SLC4A4: variants seen among roughly 807,000 people sequenced by gnomAD.
SLC4A4 encodes electrogenic sodium bicarbonate cotransporter 1.
A neutral mutation model predicts 111.5 loss-of-function variants in SLC4A4; 27 were observed. The observed-to-expected ratio is 0.24, with a 90% CI of 0.18 to 0.33. The LOEUF is 0.33. Among genes scored for constraint, SLC4A4 ranks in the 10% least tolerant of loss-of-function variants. The pLI is 1.00. For synonymous variants in SLC4A4, 443 were observed against 463.4 expected (o/e 0.96, Z 0.57); for missense variants, 909 against 1,315.5 (o/e 0.69, Z 4.78).
chr4:71,103,673 C>T (rs1386061985), intron 2 of SLC4A4, among the ~76,000 whole-genome samples: 20 of 152,016 alleles, frequency 1.3e-4, no homozygotes, highest in South Asian at 2.1e-4. Context: ...GAATGACTAC[C>T]GGATACATAA....
intron 15 of SLC4A4, among the ~76,000 whole-genome samples, chr4:71,494,482 T>TA (rs61225400): frequency 0.12 from 18,307 of 147,292 alleles, 1,705 homozygotes; most frequent in African/African-American, 0.26. Context: ...CCTGGCTAAT[T>TA]AAAAAAAAAA....
At chr4:71,391,511 A>G (rs1490072355) in intron 6 of SLC4A4, among the ~76,000 whole-genome samples, 1 of 152,128 alleles carries the variant, frequency 6.6e-6, no homozygotes, top group African/African-American at 2.4e-5. Context: ...AAGAATAACA[A>G]TGATTTTCAA....
chr4:71,255,736 C>T (rs767724462), intron 3 of SLC4A4, among the ~76,000 whole-genome samples: 4 of 152,088 alleles, frequency 2.6e-5, no homozygotes, highest in Non-Finnish European at 5.9e-5. Flanking sequence ...GAATTTTTTG[C>T]ATGGTTTATG....
intron 16 of SLC4A4, among the ~76,000 whole-genome samples, chr4:71,498,369 G>A (rs1730605561): frequency 1.3e-5 from 2 of 152,114 alleles, no homozygotes; most frequent in Non-Finnish European, 2.9e-5. Flanking sequence ...TTTGCCTGCA[G>A]AATCAAACTA....
At chr4:71,179,589 C>G (rs1217333878) in intron 2 of SLC4A4, among the ~76,000 whole-genome samples, 2 of 151,994 alleles carry the variant, frequency 1.3e-5, no homozygotes, top group Non-Finnish European at 2.9e-5. Context: ...CATGAGTGAA[C>G]TCCCATTCAC....
In SLC4A4 at chr4:71,339,429, C is replaced by G. The variant is rs768913941; in HGVS notation, c.313C>G (p.Pro105Ala). 197 of 1,613,976 alleles carry G rather than the reference C, an allele frequency of 1.2e-4. 1 individual carries two copies. The highest frequency in any genetic ancestry group is 1.5e-4 in the Non-Finnish European group (173 of 1,180,024). The change falls in exon 4 of 26, where the codon CCC (proline) becomes GCC (alanine). Residue 105 changes from proline (P) to alanine (A), a missense_variant. By Grantham distance (27) the Pro-to-Ala change is conservative. Coordinates refer to ENST00000264485, the MANE Select transcript of SLC4A4 (RefSeq NM_001098484.3). ...ILGEEDDSPA[P>A]PQLFTELDEL... ...GGGAGAGGAGGATGACAGCCCAGCT[C>G]CCCCTCAGCTCTTCACGGAACTGGA... is the stretch of plus-strand genomic sequence containing the variant.
chr4:71,079,934 T>C (rs183483158), intron 1 of SLC4A4, among the ~76,000 whole-genome samples: 9 of 151,550 alleles, frequency 5.9e-5, no homozygotes, highest in Admixed American at 5.9e-4. Flanking sequence ...TAAGGACTCT[T>C]GGGGCTGTGT....
intron 20 of SLC4A4, among the ~76,000 whole-genome samples, chr4:71,551,875 A>C (rs75473764): frequency 0.038 from 5,836 of 151,980 alleles, 409 homozygotes; most frequent in African/African-American, 0.13. Flanking sequence ...TAGATTTTCA[A>C]GATTTAAGGG....
rs115885667 is a variant in SLC4A4, at chr4:71,488,259, C to T, written c.1974+1241C>T. On this transcript the variant is annotated intron_variant, in intron 15 of 25. Coordinates refer to ENST00000264485, the MANE Select transcript of SLC4A4 (RefSeq NM_001098484.3). Reference sequence around the variant, plus strand: ...CTGACTTAAGAAAAGAAATTGTTATCTAACTTAATTCTTTTTGTAACTAAT... The same window carrying T: ...CTGACTTAAGAAAAGAAATTGTTATTTAACTTAATTCTTTTTGTAACTAAT... 4.6e-3 allele frequency among the ~76,000 whole-genome samples: 699 copies of T among 151,388 alleles called. 13 individuals are homozygous for T. Among genetic ancestry groups the T allele is most frequent in the African/African-American group, 0.016 (669 of 41,412 alleles).
chr4:71,378,380 C>T (rs919138783), intron 6 of SLC4A4, among the ~76,000 whole-genome samples: 1 of 152,170 alleles, frequency 6.6e-6, no homozygotes, highest in Admixed American at 6.5e-5. Flanking sequence ...CTCCTGCATA[C>T]TCTTACAATG....
intron 1 of SLC4A4, among the ~76,000 whole-genome samples, chr4:71,080,855 C>A (rs1741976340): frequency 6.6e-6 from 1 of 151,986 alleles, no homozygotes; most frequent in African/African-American, 2.4e-5. Context: ...CATAGAGTTC[C>A]ATTTAAAACA....
intron 6 of SLC4A4, among the ~76,000 whole-genome samples, chr4:71,384,709 A>C (rs1718503818): frequency 6.7e-6 from 1 of 150,098 alleles, no homozygotes; most frequent in African/African-American, 2.4e-5. Context: ...TTGTATTATT[A>C]TTTCTAATCC....
intron 2 of SLC4A4, among the ~76,000 whole-genome samples, chr4:71,109,869 G>A (rs908512581): frequency 2.0e-5 from 3 of 152,134 alleles, no homozygotes; most frequent in African/African-American, 7.2e-5. Flanking sequence ...TACCAAAGGG[G>A]AAATAGGGTG....
chr4:71,530,950 T>C (rs1733858570), intron 16 of SLC4A4, among the ~76,000 whole-genome samples: 1 of 152,144 alleles, frequency 6.6e-6, no homozygotes, highest in Admixed American at 6.6e-5. Flanking sequence ...ACCTTGGTTT[T>C]ATTTAGGAGC....
chr4:71,384,966 G>A (rs1003629980), intron 6 of SLC4A4, among the ~76,000 whole-genome samples: 2 of 151,148 alleles, frequency 1.3e-5, no homozygotes, highest in Admixed American at 6.6e-5. Flanking sequence ...ACCATGGCAC[G>A]TGTATACCTA....
intron 3 of SLC4A4, among the ~76,000 whole-genome samples, chr4:71,269,144 T>C (rs937829629): frequency 2.0e-5 from 3 of 152,214 alleles, no homozygotes; most frequent in African/African-American, 7.2e-5. Flanking sequence ...GTTGTTGGGC[T>C]AAAAATGAGG....
Position 71,187,415 on chromosome 4 carries a change from C to T in SLC4A4, c.-2+14C>T, listed in dbSNP as rs1745520981. The T allele has an allele frequency of 6.6e-6, 1 of 152,082 alleles. No individual in the cohort carries two copies. The highest frequency in any genetic ancestry group is 2.0e-4 in the South Asian group (1 of 4,944). 9.4% of individuals were successfully genotyped at this position (152,082 alleles called of 1,614,324 possible). ...AGACCCCAGGAGGTGAGCGCCCGGC[C>T]CCGGCAGCTGCCGGGAGGGTCGATG... On this transcript the variant is annotated intron_variant, in intron 1 of 25. Transcript: ENST00000264485.
At chr4:71,109,768 C>T (rs1464752817) in intron 2 of SLC4A4, among the ~76,000 whole-genome samples, 1 of 152,020 alleles carries the variant, frequency 6.6e-6, no homozygotes, top group Non-Finnish European at 1.5e-5. Context: ...GTCTCGAAAC[C>T]CTGACCCCAA....
At chr4:71,115,791 G>T (rs1373815073) in intron 2 of SLC4A4, among the ~76,000 whole-genome samples, 1 of 152,152 alleles carries the variant, frequency 6.6e-6, no homozygotes, top group Non-Finnish European at 1.5e-5. Context: ...CTTGGAAATA[G>T]AACTCTCTCT....
Sources: allele counts gnomAD v4.1 joint callset (sites outside exome capture counted in the v4.1 genomes callset), GRCh38; gene constraint gnomAD v4.1.1; transcripts MANE v1.5; gene names NCBI Gene and HGNC (gene_info 2026-07-23, HGNC 2026-07-21).